The following PSD3 variants were observed in gnomAD, a reference collection of about 807,000 sequenced individuals.
The protein encoded by PSD3 is PH and SEC7 domain-containing protein 3.
Under a neutral mutation model 105.5 loss-of-function variants are expected in PSD3, and 49 were observed. The ratio of observed to expected loss-of-function variants is 0.46; its 90% CI spans 0.37 to 0.59. The LOEUF is 0.59. PSD3 is among the 20% of genes least tolerant of loss of function. The pLI is 0.00. For synonymous variants in PSD3, 557 were observed against 457.8 expected, an observed-to-expected ratio of 1.22 and a Z score of -2.77; for missense variants, 1,561 against 1,263.8, an observed-to-expected ratio of 1.24 and a Z score of -3.57.
intron 9 of PSD3, chr8:18,684,020 G>A (rs1176437371): frequency 1.0e-5 from 7 of 684,170 alleles, no homozygotes; most frequent in Admixed American, 2.0e-5. Flanking sequence ...GGAACTCTGC[G>A]GGGTTGTGCC....
At chr8:19,002,539 T>C (rs1472139033) in intron 1 of PSD3, among the ~76,000 whole-genome samples, 1 of 152,062 alleles carries the variant, frequency 6.6e-6, no homozygotes, top group Non-Finnish European at 1.5e-5. Context: ...TTTATTCTTT[T>C]ATGTGCAGTT....
At chr8:18,536,199 G>C (rs1799837876) in intron 15 of PSD3, among the ~76,000 whole-genome samples, 1 of 152,226 alleles carries the variant, frequency 6.6e-6, no homozygotes, top group African/African-American at 2.4e-5. Context: ...GATTCTGACA[G>C]AATGTCAACT....
chr8:18,715,322 C>T (rs1802513520), intron 9 of PSD3, among the ~76,000 whole-genome samples: 1 of 151,614 alleles, frequency 6.6e-6, no homozygotes, highest in Non-Finnish European at 1.5e-5. Flanking sequence ...ACATAATGAC[C>T]CATTAATAGG....
chr8:18,675,605 G>C (rs145746757), intron 9 of PSD3, among the ~76,000 whole-genome samples: 59 of 152,230 alleles, frequency 3.9e-4, no homozygotes, highest in African/African-American at 1.3e-3. Flanking sequence ...GCATTTCAAA[G>C]AATCTACCTA....
chr8:18,922,295 A>G (rs1821074965), intron 2 of PSD3, among the ~76,000 whole-genome samples: 1 of 152,190 alleles, frequency 6.6e-6, no homozygotes, highest in African/African-American at 2.4e-5. Flanking sequence ...AAGCTCTCCA[A>G]TATAAAACTC....
intron 9 of PSD3, among the ~76,000 whole-genome samples, chr8:18,662,475 G>A (rs1005445325): frequency 2.6e-5 from 4 of 152,182 alleles, no homozygotes; most frequent in Non-Finnish European, 5.9e-5. Context: ...GTGACATTAT[G>A]TTATACATAT....
chr8:18,541,779 T>G (rs1800163200), intron 15 of PSD3, among the ~76,000 whole-genome samples: 1 of 151,560 alleles, frequency 6.6e-6, no homozygotes, highest in African/African-American at 2.4e-5. Context: ...AGATGGAGTT[T>G]CGCTGTTGTC....
intron 2 of PSD3, among the ~76,000 whole-genome samples, chr8:18,883,664 A>G (rs1172824994): frequency 6.6e-5 from 10 of 152,212 alleles, no homozygotes; most frequent in Middle Eastern, 3.2e-3. Context: ...ATTTTTAAAA[A>G]CCAGAATATT....
chr8:18,690,089 T>C (rs1200656622), intron 9 of PSD3, among the ~76,000 whole-genome samples: 1 of 152,170 alleles, frequency 6.6e-6, no homozygotes, highest in Non-Finnish European at 1.5e-5. Flanking sequence ...TGAAAGGTTA[T>C]CTTGAAATGG....
chr8:18,539,010 T>G (rs973352745), intron 15 of PSD3, among the ~76,000 whole-genome samples: 7 of 152,130 alleles, frequency 4.6e-5, no homozygotes, highest in Non-Finnish European at 4.4e-5. Context: ...ATTTCTGACT[T>G]AAAAAAGGCT....
intron 2 of PSD3, among the ~76,000 whole-genome samples, chr8:18,928,110 G>C (rs984103599): frequency 2.6e-5 from 4 of 152,150 alleles, no homozygotes; most frequent in African/African-American, 9.7e-5. Flanking sequence ...TGTATGGTTT[G>C]GCTGTGTCTC....
Position 18,563,254 on chromosome 8 carries a change from A to G in PSD3, c.2785-6902T>C, listed in dbSNP as rs573497830. Among the ~76,000 whole-genome samples the G allele has an allele frequency of 4.6e-5, 7 of 152,322 alleles. No individual in the cohort carries two copies. The South Asian group carries it at 1.5e-3, about 32-fold the overall frequency. ...GCTCTCAGAAGTTGAGGGCCAAGGC[A>G]ATTGTCTCACCTGTTTTTATAATGC... On this transcript the variant is annotated intron_variant, in intron 14 of 15. Coordinates refer to ENST00000327040, the MANE Select transcript of PSD3 (RefSeq NM_015310.4).
chr8:18,593,598 A>G (rs1306352525), intron 12 of PSD3, among the ~76,000 whole-genome samples: 2 of 152,104 alleles, frequency 1.3e-5, no homozygotes, highest in African/African-American at 2.4e-5. Context: ...TAGAAATACC[A>G]TTTGACCCAG....
In PSD3 at chr8:18,878,929, A is replaced by G. The variant is rs187993296; in HGVS notation, c.131-6196T>C. 1.1e-4 allele frequency among the ~76,000 whole-genome samples: 16 copies of G among 152,272 alleles called. No individual in the cohort carries two copies. The South Asian group carries it at 2.9e-3, about 28-fold the overall frequency. On this transcript the variant is annotated intron_variant, in intron 2 of 15. Coordinates refer to ENST00000327040, the MANE Select transcript of PSD3 (RefSeq NM_015310.4). ...GTATTTATAAACTGCACCAAAACATATAACAGTGAAATCCATTCAACAAAG... is the reference window on the plus strand; with the variant it reads ...GTATTTATAAACTGCACCAAAACATGTAACAGTGAAATCCATTCAACAAAG...
At chr8:18,669,504 C>G (rs1012864629) in intron 9 of PSD3, among the ~76,000 whole-genome samples, 1 of 152,236 alleles carries the variant, frequency 6.6e-6, no homozygotes, top group Non-Finnish European at 1.5e-5. Flanking sequence ...AAGGCAAGAA[C>G]TGTGATGCTG....
At chr8:18,799,141 T>C (rs747301903) in intron 8 of PSD3, 154 bp downstream of exon 8, 43 of 680,526 alleles carry the variant, frequency 6.3e-5, no homozygotes, top group Non-Finnish European at 1.1e-4. Context: ...AATAAAAAAA[T>C]TATTTCTTTT....
rs1795938660 is a variant in PSD3, at chr8:18,529,039, G to A, written c.*6704C>T. On this transcript the variant is annotated 3_prime_UTR_variant, in exon 16 of 16. Transcript: ENST00000327040. ...GTGCTCCTACAGGAAGTGCCTCCTT[G>A]TTTCTTCACTTGTACTCCTCTCTCA... The A allele has an allele frequency of 6.6e-6, 1 of 152,160 alleles. No homozygotes were observed. Among genetic ancestry groups the A allele is most frequent in the African/African-American group, 2.4e-5 (1 of 41,432 alleles). The allele number at this position is 152,160 out of a possible 1,614,324, so 9.4% of individuals were successfully genotyped here.
chr8:18,575,707 G>A (rs1043032665), intron 12 of PSD3, among the ~76,000 whole-genome samples: 17 of 152,126 alleles, frequency 1.1e-4, no homozygotes, highest in Admixed American at 1.3e-4. Flanking sequence ...GAATTATACC[G>A]AGGATAAAAA....
At chr8:18,828,298 T>C (rs73202126) in intron 4 of PSD3, among the ~76,000 whole-genome samples, 36,303 of 151,606 alleles carry the variant, frequency 0.24, 4,871 homozygotes, top group Non-Finnish European at 0.28. Context: ...AAAATGACTT[T>C]AGTTTTATAG....
Sources: gnomAD v4.1 joint callset for allele counts (sites outside exome capture counted in the v4.1 genomes callset) on GRCh38, gnomAD v4.1.1 for gene constraint, MANE v1.5 for transcripts, NCBI Gene and HGNC (gene_info 2026-07-23, HGNC 2026-07-21) for gene names.